The following PUS7 variants were observed in gnomAD, a reference collection of about 807,000 sequenced individuals.
PUS7 encodes pseudouridylate synthase 7 homolog.
Under a neutral mutation model 79.8 loss-of-function variants are expected in PUS7, and 48 were observed. That is an observed-to-expected ratio of 0.60 (90% confidence interval 0.48 to 0.76). The LOEUF is 0.76. Ranked by LOEUF, PUS7 falls within the 30% of genes least tolerant of loss-of-function variation. The pLI is 0.00. For synonymous variants in PUS7, 286 were observed against 272.2 expected (o/e 1.05, Z -0.50); for missense variants, 729 against 797.6 (o/e 0.91, Z 1.04).
chr7:105,491,721 T>C (rs1824788721), intron 6 of PUS7, 104 bp from the exon 7 acceptor site: 2 of 674,918 alleles, frequency 3.0e-6, no homozygotes, highest in Non-Finnish European at 5.0e-6. Context: ...CTTACAATCA[T>C]AACACAGTAA....
chr7:105,470,831 C>G lies in PUS7; in HGVS notation c.1255G>C (p.Val419Leu). 6.3e-7 allele frequency: 1 copy of G among 1,595,990 alleles called. No homozygotes were observed. The highest frequency in any genetic ancestry group is 2.2e-5 in the East Asian group (1 of 44,450). The change falls in exon 11 of 16, where the codon GTT becomes CTT. Residue 419 changes from valine to leucine, a missense_variant. By Grantham distance (32) the Val-to-Leu change is conservative. Transcript: ENST00000469408. ...TTTGCCCATTCTTCTCTGCATTTAA[C>G]CAAGTAGCCCTTTTCAGCTGCGGGG... is the stretch of plus-strand genomic sequence containing the variant. ...PRSGAEKGYL[V>L]KCREEWAKTK... is the part of the protein sequence containing the mutation.
chr7:105,505,040 G>T lies in PUS7; in HGVS notation c.585+915C>A, dbSNP rs993034591. On this transcript the variant is annotated intron_variant, in intron 4 of 15. Coordinates refer to ENST00000469408, the MANE Select transcript of PUS7 (RefSeq NM_019042.5). The stretch of plus-strand genomic sequence containing the variant: ...TTTTGATATGGAGTCTCGCTCTGCC[G>T]CCCAGGCTGGAGTGCAGTGGTATGA... Among the ~76,000 whole-genome samples the T allele has an allele frequency of 5.6e-5, 8 of 142,252 alleles. No homozygotes were observed. The Admixed American group carries it at 5.7e-4, about 10-fold the overall frequency. 93.3% of individuals were successfully genotyped at this position (142,252 alleles called of 152,430 possible).
intron 1 of PUS7, among the ~76,000 whole-genome samples, chr7:105,519,283 G>C (rs1826013419): frequency 6.6e-6 from 1 of 151,652 alleles, no homozygotes; most frequent in African/African-American, 2.4e-5. Context: ...GCCCAGGCTG[G>C]AGTGCAGTGG....
At chr7:105,512,007 T>C (rs1562821486) in intron 1 of PUS7, among the ~76,000 whole-genome samples, 1 of 151,754 alleles carries the variant, frequency 6.6e-6, no homozygotes, top group Admixed American at 6.6e-5. Flanking sequence ...TATCCAGGCA[T>C]GGTGGCGGGC....
Position 105,491,641 on chromosome 7 carries a change from T to A in PUS7, c.843-24A>T, listed in dbSNP as rs773478670. 2.1e-5 allele frequency: 29 copies of A among 1,357,212 alleles called. No individual in the cohort carries two copies. The Admixed American group carries it at 5.1e-4, about 24-fold the overall frequency. The allele number at this position is 1,357,212 out of a possible 1,614,324, so 84.1% of individuals were successfully genotyped here. Reference sequence around the variant, plus strand: ...CTCTGGTAAGAGAGAAACAAGATCATCTGAAGTCACATACTGTAATATTAT... The same window carrying A: ...CTCTGGTAAGAGAGAAACAAGATCAACTGAAGTCACATACTGTAATATTAT... On this transcript the variant is annotated intron_variant, in intron 6 of 15. Coordinates refer to ENST00000469408, the MANE Select transcript of PUS7 (RefSeq NM_019042.5).
In PUS7 at chr7:105,497,060, G is replaced by C. The variant is rs776045483; in HGVS notation, c.731-1807C>G. The C allele has an allele frequency of 3.0e-6, 3 of 999,172 alleles. No homozygotes were observed. In the South Asian group the frequency reaches 7.2e-5, roughly 24 times the overall value. 61.9% of individuals were successfully genotyped at this position (999,172 alleles called of 1,614,324 possible). Reference sequence around the variant, plus strand: ...TTTAGAGGTGAACATGCAAATGATCGCATGGTTAAGTTTACACTGAGGACT... The same window carrying C: ...TTTAGAGGTGAACATGCAAATGATCCCATGGTTAAGTTTACACTGAGGACT... On this transcript the variant is annotated intron_variant, in intron 5 of 15. Transcript: ENST00000469408.
At chr7:105,486,823 G>A (rs1397448369) in intron 7 of PUS7, among the ~76,000 whole-genome samples, 1 of 151,968 alleles carries the variant, frequency 6.6e-6, no homozygotes, top group Non-Finnish European at 1.5e-5. Flanking sequence ...ACTTTGGGAG[G>A]CCAAAGTGGC....
intron 1 of PUS7, among the ~76,000 whole-genome samples, chr7:105,511,725 C>T (rs1157383634): frequency 1.3e-5 from 2 of 152,042 alleles, no homozygotes; most frequent in Non-Finnish European, 2.9e-5. Context: ...GACGCCACTG[C>T]GCTCCAGCCT....
chr7:105,512,005 C>G (rs1000386635), intron 1 of PUS7, among the ~76,000 whole-genome samples: 12 of 151,718 alleles, frequency 7.9e-5, no homozygotes, highest in Admixed American at 7.9e-4. Context: ...ATTATCCAGG[C>G]ATGGTGGCGG....
chr7:105,489,590 G>T (rs1824701296), intron 7 of PUS7, among the ~76,000 whole-genome samples: 1 of 151,998 alleles, frequency 6.6e-6, no homozygotes, highest in Non-Finnish European at 1.5e-5. Flanking sequence ...TTCAATATTT[G>T]TACACACCAC....
In PUS7 at chr7:105,482,425, T is replaced by C. The variant is rs147112093; in HGVS notation, c.936A>G (p.Arg312=). Residue 312 remains arginine (R), a synonymous_variant, in exon 8 of 16, where the codon AGA becomes AGG. Coordinates refer to ENST00000469408, the MANE Select transcript of PUS7 (RefSeq NM_019042.5). ...TCAAGCACTTATTCAGGTGGGCAAG[T>C]CTTTGTGCAGTTATTCTTTAAAAAA... ...EIAVLKITAQ[R]LAHLNKCLMN... The C allele has an allele frequency of 1.0e-5, 16 of 1,604,262 alleles. No homozygotes were observed. The African/African-American group carries it at 1.8e-4, about 18-fold the overall frequency.
At chr7:105,483,934 C>T (rs1454277088) in intron 7 of PUS7, among the ~76,000 whole-genome samples, 1 of 152,180 alleles carries the variant, frequency 6.6e-6, no homozygotes, top group Non-Finnish European at 1.5e-5. Flanking sequence ...CAGGCCAGCG[C>T]TTTTACACGT....
intron 9 of PUS7, among the ~76,000 whole-genome samples, chr7:105,475,533 A>G (rs113413376): frequency 4.7e-4 from 71 of 150,764 alleles, no homozygotes; most frequent in African/African-American, 1.5e-3. Context: ...TGTGTTAGCT[A>G]GGATGGTCTC....
rs572049041 is a variant in PUS7 at position 105,484,648 on chromosome 7, G to A, written c.921-2208C>T. ...AGCCTGGCCAATATGGTGAAACCCC[G>A]TCTCTACTAAAAATACAAAAATTAG... On this transcript the variant is annotated intron_variant, in intron 7 of 15. Transcript: ENST00000469408. Among the ~76,000 whole-genome samples, 21 of 151,534 alleles carry A rather than the reference G, an allele frequency of 1.4e-4. No homozygotes were observed. The South Asian group carries it at 1.9e-3, about 14-fold the overall frequency.
At chr7:105,467,780 G>T (rs1192666519) in intron 12 of PUS7, among the ~76,000 whole-genome samples, 1 of 151,670 alleles carries the variant, frequency 6.6e-6, no homozygotes, top group Non-Finnish European at 1.5e-5. Flanking sequence ...TGTAATCCCA[G>T]CACTTTGGGA....
At position 105,473,354 on chromosome 7, in the gene PUS7, A is replaced by G. The variant is rs1326167199; in HGVS notation, c.1176-1161T>C. Among the ~76,000 whole-genome samples the G allele has an allele frequency of 2.6e-5, 4 of 151,454 alleles. No individual in the cohort carries two copies. The East Asian group carries it at 7.7e-4, about 29-fold the overall frequency. On this transcript the variant is annotated intron_variant, in intron 9 of 15. Coordinates refer to ENST00000469408, the MANE Select transcript of PUS7 (RefSeq NM_019042.5). ...AACCTCTGCCTCTTGGGCTTAAGCA[A>G]TTCTCCTGCATCATCCTCCTGCACA...
chr7:105,509,184 C>CAAAAAAAAAAAAAAAAAAAAAAAAAAAAA (rs57095427), intron 1 of PUS7, among the ~76,000 whole-genome samples: 8 of 55,712 alleles, frequency 1.4e-4, no homozygotes, highest in Admixed American at 3.3e-4. Flanking sequence ...GACTCCATCT[C>CAAAAAAAAAAAAAAAAAAAAAAAAAAAAA]AAAAAAAAAA....
chr7:105,466,281 A>G (rs934841280), intron 12 of PUS7, among the ~76,000 whole-genome samples: 1 of 152,068 alleles, frequency 6.6e-6, no homozygotes, highest in Non-Finnish European at 1.5e-5. Flanking sequence ...TTTTTGAGAC[A>G]GGGTCTTGCT....
At chr7:105,501,394 G>T (rs2133221112) in intron 5 of PUS7, among the ~76,000 whole-genome samples, 1 of 151,424 alleles carries the variant, frequency 6.6e-6, no homozygotes, top group Admixed American at 6.6e-5. Flanking sequence ...AATTTGGTAG[G>T]TGAAAAAAAA....
Sources: gnomAD v4.1 joint callset for allele counts (sites outside exome capture counted in the v4.1 genomes callset) on GRCh38, gnomAD v4.1.1 for gene constraint, MANE v1.5 for transcripts, NCBI Gene and HGNC (gene_info 2026-07-23, HGNC 2026-07-21) for gene names.